Variants in DPP6 observed in about 807,000 individuals in gnomAD.
The protein encoded by DPP6 is dipeptidyl peptidase like 6, also known as A-type potassium channel modulatory protein DPP6.
DPP6 carries 69 observed loss-of-function variants against 122.6 expected under a neutral mutation model. The observed-to-expected ratio is 0.56, with a 90% confidence interval of 0.46 to 0.69. The LOEUF is 0.69. DPP6 is among the 30% of genes least tolerant of loss of function. DPP6 has a pLI of 0.00. For synonymous variants in DPP6, 418 were observed against 433.1 expected, an observed-to-expected ratio of 0.97 and a Z score of 0.43; for missense variants, 928 against 1,116.9, an observed-to-expected ratio of 0.83 and a Z score of 2.41.
At chr7:154,801,571 T>A in intron 13 of DPP6, 109 bp downstream of exon 13, 1 of 1,418,442 alleles carries the variant, frequency 7.0e-7, no homozygotes, top group South Asian at 1.5e-5. Context: ...CCCCAAGGAA[T>A]CTGAAGGTGG....
intron 1 of DPP6, among the ~76,000 whole-genome samples, chr7:154,116,532 A>G (rs745465110): frequency 6.6e-6 from 1 of 152,240 alleles, no homozygotes; most frequent in Non-Finnish European, 1.5e-5. Context: ...ACTTTCCCCA[A>G]TAAAACAAAA....
chr7:154,104,456 G>A (rs1365775735), intron 1 of DPP6, among the ~76,000 whole-genome samples: 9 of 152,216 alleles, frequency 5.9e-5, no homozygotes, highest in African/African-American at 9.7e-5. Flanking sequence ...ATGGTGGAAC[G>A]TGCTTTAGTA....
chr7:154,320,484 T>TTG (rs1554517446), intron 1 of DPP6, among the ~76,000 whole-genome samples: 81 of 151,692 alleles, frequency 5.3e-4, no homozygotes, highest in Admixed American at 4.2e-3. Flanking sequence ...TGTTTTTTTT[T>TTG]TTGTTGTTGT....
the DPP6 span, among the ~76,000 whole-genome samples, chr7:153,771,774 A>G: frequency 6.6e-6 from 1 of 152,226 alleles, no homozygotes. Flanking sequence ...TGTATTGCCA[A>G]TAGACCTACA....
intron 1 of DPP6, among the ~76,000 whole-genome samples, chr7:154,081,783 G>T (rs1335622658): frequency 2.4e-4 from 36 of 151,490 alleles, no homozygotes; most frequent in Non-Finnish European, 4.9e-4. Context: ...TTGTAAAAGG[G>T]AACGTGTCTT....
intron 1 of DPP6, among the ~76,000 whole-genome samples, chr7:154,235,831 C>T (rs1324371886): frequency 1.3e-5 from 2 of 152,062 alleles, no homozygotes; most frequent in Non-Finnish European, 2.9e-5. Context: ...ACCTTGTTAC[C>T]TCAGTTTTCT....
intron 10 of DPP6, among the ~76,000 whole-genome samples, chr7:154,792,689 G>A (rs1797755931): frequency 6.6e-6 from 1 of 152,240 alleles, no homozygotes; most frequent in Non-Finnish European, 1.5e-5. Flanking sequence ...AGTATGGGGA[G>A]CAGATGGTGG....
chr7:154,880,834 CAA>C, intron 20 of DPP6, 52 bp from the exon 21 acceptor site: 1 of 1,613,818 alleles, frequency 6.2e-7, no homozygotes, highest in Non-Finnish European at 8.5e-7. Context: ...TACAGGAAGA[CAA>C]AGTGGCAGCA....
intron 7 of DPP6, among the ~76,000 whole-genome samples, chr7:154,671,528 C>T (rs1212515592): frequency 6.6e-6 from 1 of 152,162 alleles, no homozygotes. Context: ...TCTGCACATG[C>T]AAATAAACCG....
At chr7:154,178,681 C>T (rs1487525471) in intron 1 of DPP6, among the ~76,000 whole-genome samples, 13 of 152,290 alleles carry the variant, frequency 8.5e-5, no homozygotes, top group Admixed American at 7.8e-4. Context: ...ACACAGATCA[C>T]GTTTATATAG....
intron 1 of DPP6, among the ~76,000 whole-genome samples, chr7:154,060,337 G>A (rs569949957): frequency 8.0e-6 from 1 of 125,426 alleles, no homozygotes; most frequent in African/African-American, 3.0e-5. Flanking sequence ...GGAGGGGGAG[G>A]CACCCCCCGC....
intron 16 of DPP6, among the ~76,000 whole-genome samples, chr7:154,826,122 A>G (rs1183290339): frequency 6.6e-6 from 1 of 152,252 alleles, no homozygotes; most frequent in Non-Finnish European, 1.5e-5. Context: ...GATTGTGAGC[A>G]GTTCCAATCC....
chr7:153,941,295 T>C (rs1373772110), intron 1 of DPP6, among the ~76,000 whole-genome samples: 4 of 152,186 alleles, frequency 2.6e-5, no homozygotes, highest in African/African-American at 7.2e-5. Flanking sequence ...GACCCACGAA[T>C]GCCATGTGAA....
chr7:153,934,754 A>G (rs1801348141), intron 1 of DPP6, among the ~76,000 whole-genome samples: 1 of 152,090 alleles, frequency 6.6e-6, no homozygotes, highest in South Asian at 2.1e-4. Flanking sequence ...TACAAAACCC[A>G]CTTGCAGGAA....
chr7:153,819,854 C>T, the DPP6 span, among the ~76,000 whole-genome samples: 1 of 152,038 alleles, frequency 6.6e-6, no homozygotes, highest in Non-Finnish European at 1.5e-5. Flanking sequence ...AATATTTCTG[C>T]AGCTTTTTTG....
At chr7:154,476,918 G>A (rs554808973) in intron 3 of DPP6, among the ~76,000 whole-genome samples, 14 of 152,138 alleles carry the variant, frequency 9.2e-5, no homozygotes, top group African/African-American at 2.2e-4. Flanking sequence ...ATGTTGAAAC[G>A]TCACCTTTAT....
At chr7:154,514,555 C>T (rs2129859796) in intron 3 of DPP6, among the ~76,000 whole-genome samples, 1 of 152,298 alleles carries the variant, frequency 6.6e-6, no homozygotes, top group East Asian at 1.9e-4. Context: ...CCCCATTCCC[C>T]CAGCCCCTGC....
At chr7:154,101,445 C>T (rs1265768075) in intron 1 of DPP6, among the ~76,000 whole-genome samples, 1 of 150,542 alleles carries the variant, frequency 6.6e-6, no homozygotes, top group Non-Finnish European at 1.5e-5. Flanking sequence ...CACATCAGTA[C>T]AATTCCACAC....
chr7:154,071,820 G>A (rs1253517462), intron 1 of DPP6, among the ~76,000 whole-genome samples: 1 of 152,166 alleles, frequency 6.6e-6, no homozygotes, highest in Admixed American at 6.5e-5. Flanking sequence ...TCTTACTGCT[G>A]GGGAAAAGAG....
Sources: gnomAD v4.1 joint callset for allele counts (sites outside exome capture counted in the v4.1 genomes callset) on GRCh38, gnomAD v4.1.1 for gene constraint, MANE v1.5 for transcripts, NCBI Gene and HGNC (gene_info 2026-07-23, HGNC 2026-07-21) for gene names.